The following TMEM82 variants were observed in gnomAD, a reference collection of about 807,000 sequenced individuals.
TMEM82 encodes the protein transmembrane protein 82.
TMEM82 carries 30 observed loss-of-function variants against 29.2 expected under a neutral mutation model. That is an observed-to-expected ratio of 1.03 (90% CI 0.77 to 1.39). The LOEUF (loss-of-function observed/expected upper bound fraction) is 1.39. TMEM82 is among the 40% of genes most tolerant of loss of function. The probability of loss-of-function intolerance (pLI) is 0.00; values close to 1 mark genes in which losing one functional copy is unlikely to be tolerated. For missense variants in TMEM82, 442 were observed against 447.7 expected (o/e 0.99, Z 0.12); for synonymous variants, 221 against 225.4 (o/e 0.98, Z 0.18).
rs182297483 is a variant in TMEM82 at position 15,744,334 on chromosome 1, C to T, written c.511C>T (p.His171Tyr). Residue 171 changes from histidine (H) to tyrosine (Y), a missense_variant, in exon 4 of 6, where the codon CAC (histidine) becomes TAC (tyrosine). Physicochemically the swap from His to Tyr is moderately conservative, Grantham distance 83. Transcript: ENST00000375782. This position sits in a 1 kb window ranked among gnomAD's most constrained non-coding sequence, Gnocchi z 5.2. ...GCTGGGCCTGGGTGCCCGGCGCCTC[C>T]ACCGCCACGTCTGCCGCCTCTACGA... Reference protein sequence around the residue: ...TLLGLGARRLHRHVCRLYELH... With the variant: ...TLLGLGARRLYRHVCRLYELH... The T allele has an allele frequency of 1.2e-4, 192 of 1,544,280 alleles. No individual in the cohort carries two copies. In the East Asian group the frequency reaches 4.0e-3, roughly 32 times the overall value.
chr1:15,745,719 C>G (rs559999282), intron 4 of TMEM82, among the ~76,000 whole-genome samples: 9 of 151,438 alleles, frequency 5.9e-5, no homozygotes, highest in African/African-American at 2.2e-4. Flanking sequence ...GTGGTGAAAC[C>G]CCCGTCTCTA....
rs766649310 is a variant in TMEM82 at position 15,747,621 on chromosome 1, G to T, written c.1021G>T (p.Ala341Ser). The change falls in exon 6 of 6, where the codon GCC (alanine) becomes TCC (serine). Residue 341 changes from alanine to serine, a missense_variant. Ala to Ser is a moderately conservative substitution (Grantham distance 99). Transcript: ENST00000375782. ...CTCGGCACCCCAGTCCCAGAGTTCG[G>T]CCCCCTCTTGACCTGCCTCAGGGAG... ...LPSAPQSQSS[A>S]PS 24 of 1,613,812 alleles carry T rather than the reference G, an allele frequency of 1.5e-5. No homozygotes were observed. The highest frequency in any genetic ancestry group is 1.6e-4 in the Middle Eastern group (1 of 6,080).
rs1380623250 is a variant in TMEM82 at position 15,744,087 on chromosome 1, G to A, written c.337-73G>A. The A allele has an allele frequency of 1.5e-5, 22 of 1,421,302 alleles. No individual in the cohort carries two copies. The highest frequency in any genetic ancestry group is 5.9e-5 in the South Asian group (4 of 67,332). 88.0% of individuals were successfully genotyped at this position (1,421,302 alleles called of 1,614,324 possible). Reference sequence around the variant, plus strand: ...CATCCCCAAGGTCCCTTCAGGCTCCGGCTTCCTGTGGTGGGCAGCACCTGT... The same window carrying A: ...CATCCCCAAGGTCCCTTCAGGCTCCAGCTTCCTGTGGTGGGCAGCACCTGT... On this transcript the variant is annotated intron_variant, in intron 3 of 5. Transcript: ENST00000375782. The surrounding 1 kb of genome is among the most constrained non-coding windows in gnomAD (Gnocchi z 5.2).
chr1:15,744,295 G>T lies in TMEM82; in HGVS notation c.472G>T (p.Gly158Trp). Reference protein sequence around the residue: ...HRTLNLLLSLGLATLLGLGAR... With the variant: ...HRTLNLLLSLWLATLLGLGAR... ...CACGCTGAACCTGCTGCTGAGCCTC[G>T]GGCTGGCCACGCTGCTGGGCCTGGG... The change falls in exon 4 of 6, where the codon GGG becomes TGG. Residue 158 changes from glycine (G) to tryptophan (W), a missense_variant. Coordinates refer to ENST00000375782, the MANE Select transcript of TMEM82 (RefSeq NM_001013641.3). The surrounding 1 kb of genome is among the most constrained non-coding windows in gnomAD (Gnocchi z 5.2). 6.5e-7 allele frequency: 1 copy of T among 1,549,508 alleles called. No individual in the cohort carries two copies. Among genetic ancestry groups the T allele is most frequent in the East Asian group, 2.4e-5 (1 of 41,852 alleles).
intron 3 of TMEM82, among the ~76,000 whole-genome samples, chr1:15,743,692 G>A (rs1374865522): frequency 6.6e-6 from 1 of 152,342 alleles, no homozygotes; most frequent in South Asian, 2.1e-4. Flanking sequence ...GGTGGCTCAC[G>A]CCTGTAATCC....
Position 15,744,062 on chromosome 1 carries a change from C to A in TMEM82, c.337-98C>A. On this transcript the variant is annotated intron_variant, in intron 3 of 5. Coordinates refer to ENST00000375782, the MANE Select transcript of TMEM82 (RefSeq NM_001013641.3). The surrounding 1 kb of genome is among the most constrained non-coding windows in gnomAD (Gnocchi z 5.2). The stretch of plus-strand genomic sequence containing the variant: ...AAGCCGATGTGGCCCCTTCGGGAAC[C>A]ATCCCCAAGGTCCCTTCAGGCTCCG... 1 of 1,291,854 alleles carries A rather than the reference C, an allele frequency of 7.7e-7. No homozygotes were observed. The highest frequency in any genetic ancestry group is 1.0e-6 in the Non-Finnish European group (1 of 970,862). The allele number at this position is 1,291,854 out of a possible 1,614,324, so 80.0% of individuals were successfully genotyped here.
In TMEM82 at chr1:15,746,929, G is replaced by T. The variant is rs769620800; in HGVS notation, c.820G>T (p.Gly274Cys). The change falls in exon 5 of 6, where the codon GGC (glycine) becomes TGC (cysteine). Residue 274 changes from glycine to cysteine, a missense_variant. By Grantham distance (159) the Gly-to-Cys change is radical. Transcript: ENST00000375782. Reference protein sequence around the residue: ...QVQTVLVRMGGLFVLLLTVGR... With the variant: ...QVQTVLVRMGCLFVLLLTVGR... ...GCAGACGGTGCTGGTGCGCATGGGCGGCCTCTTCGTGCTGCTGCTGACTGT... is the reference window on the plus strand; with the variant it reads ...GCAGACGGTGCTGGTGCGCATGGGCTGCCTCTTCGTGCTGCTGCTGACTGT... 2.2e-5 allele frequency: 36 copies of T among 1,609,074 alleles called. No homozygotes were observed. Among genetic ancestry groups the T allele is most frequent in the Non-Finnish European group, 3.1e-5 (36 of 1,179,848 alleles).
Position 15,744,664 on chromosome 1 carries a change from C to A in TMEM82, c.757+84C>A, listed in dbSNP as rs1466125985. 1 of 1,439,930 alleles carries A rather than the reference C, an allele frequency of 6.9e-7. No homozygotes were observed. The highest frequency in any genetic ancestry group is 2.5e-5 in the East Asian group (1 of 40,670). 89.2% of individuals were successfully genotyped at this position (1,439,930 alleles called of 1,614,324 possible). A position where few individuals can be genotyped will look rare whatever the true frequency, so the allele number is the denominator to read the frequency against. ...CTCCGGGGAGGCCGAGAGCCATCAGCCCTCACTCTTGCCATCCCAGAGAGC... is the reference window on the plus strand; with the variant it reads ...CTCCGGGGAGGCCGAGAGCCATCAGACCTCACTCTTGCCATCCCAGAGAGC... On this transcript the variant is annotated intron_variant, in intron 4 of 5. Coordinates refer to ENST00000375782, the MANE Select transcript of TMEM82 (RefSeq NM_001013641.3). The surrounding 1 kb of genome is among the most constrained non-coding windows in gnomAD (Gnocchi z 5.2).
chr1:15,747,598 C>T lies in TMEM82; in HGVS notation c.998C>T (p.Ser333Leu), dbSNP rs373663615. ...TCAACACCAAGCCAGCCCCTGCCCTCGGCACCCCAGTCCCAGAGTTCGGCC... is the reference window on the plus strand; with the variant it reads ...TCAACACCAAGCCAGCCCCTGCCCTTGGCACCCCAGTCCCAGAGTTCGGCC... ...PVSTPSQPLP[S>L]APQSQSSAPS The change falls in exon 6 of 6, where the codon TCG (serine) becomes TTG (leucine). Residue 333 changes from serine (S) to leucine (L), a missense_variant. Physicochemically the swap from Ser to Leu is moderately radical, Grantham distance 145 (BLOSUM62 -2). Transcript: ENST00000375782. The T allele has an allele frequency of 1.9e-4, 307 of 1,614,100 alleles. No individual in the cohort carries two copies. The highest frequency in any genetic ancestry group is 8.2e-4 in the Admixed American group (49 of 60,008).
rs1238094078 is a variant in TMEM82, at chr1:15,744,845, G to A, written c.757+265G>A. Among the ~76,000 whole-genome samples, 2 of 152,142 alleles carry A rather than the reference G, an allele frequency of 1.3e-5. No homozygotes were observed. The highest frequency in any genetic ancestry group is 2.9e-5 in the Non-Finnish European group (2 of 68,024). ...AACAGAATCTTGGACAGAGAGAACC[G>A]CATGTGCCAATGCCCAGAGGGGAGA... is the stretch of plus-strand genomic sequence containing the variant. On this transcript the variant is annotated intron_variant, in intron 4 of 5. Transcript: ENST00000375782. The surrounding 1 kb of genome is among the most constrained non-coding windows in gnomAD (Gnocchi z 5.2).
At chr1:15,745,545 A>AAGAGAGAAAGAGAGAAAGAGAGAG (rs1196476896) in intron 4 of TMEM82, among the ~76,000 whole-genome samples, 1 of 72,550 alleles carries the variant, frequency 1.4e-5, no homozygotes, top group African/African-American at 1.0e-4. Context: ...GAGAGAGAGA[A>AAGAGAGAAAGAGAGAAAGAGAGAG]AGAGAGAAAG....
In TMEM82 at chr1:15,744,628, T is replaced by A; in HGVS notation, c.757+48T>A. 1 of 1,533,658 alleles carries A rather than the reference T, an allele frequency of 6.5e-7. No individual in the cohort carries two copies. The highest frequency in any genetic ancestry group is 8.8e-7 in the Non-Finnish European group (1 of 1,137,102). On this transcript the variant is annotated intron_variant, in intron 4 of 5. Coordinates refer to ENST00000375782, the MANE Select transcript of TMEM82 (RefSeq NM_001013641.3). This position sits in a 1 kb window ranked among gnomAD's most constrained non-coding sequence, Gnocchi z 5.2. ...CATTCAATCCACGCACATCCCTCTGTCTGGGTCAGGCTCCGGGGAGGCCGA... is the reference window on the plus strand; with the variant it reads ...CATTCAATCCACGCACATCCCTCTGACTGGGTCAGGCTCCGGGGAGGCCGA...
rs1168916610 is a variant in TMEM82 at position 15,747,522 on chromosome 1, G to A, written c.946-24G>A. ...GCAGGGGGATGGGTGAATGGGTGGT[G>A]TCATTCTCAACGCTTTTCCTCAGGA... is the stretch of plus-strand genomic sequence containing the variant. On this transcript the variant is annotated intron_variant, in intron 5 of 5. Coordinates refer to ENST00000375782, the MANE Select transcript of TMEM82 (RefSeq NM_001013641.3). 4 of 1,605,680 alleles carry A rather than the reference G, an allele frequency of 2.5e-6. No homozygotes were observed. In the South Asian group the frequency reaches 4.4e-5, roughly 18 times the overall value.
intron 1 of TMEM82, 70 bp downstream of exon 1, chr1:15,742,717 C>T: frequency 6.5e-7 from 1 of 1,531,128 alleles, no homozygotes; most frequent in African/African-American, 1.4e-5. Context: ...GGGTGGACCC[C>T]ACCCACCTGG....
At chr1:15,743,255 C>T in intron 3 of TMEM82, 61 bp downstream of exon 3, 1 of 1,522,816 alleles carries the variant, frequency 6.6e-7, no homozygotes, top group Admixed American at 2.0e-5. Flanking sequence ...GGGCTCACCC[C>T]CGGAATGTGG....
At position 15,744,419 on chromosome 1, in the gene TMEM82, G is replaced by GC; in HGVS notation, c.598dup (p.Leu200ProfsTer17). 6.3e-7 allele frequency: 1 copy of GC among 1,588,464 alleles called. No individual in the cohort carries two copies. The highest frequency in any genetic ancestry group is 1.8e-5 in the Admixed American group (1 of 56,222). On this transcript the variant is annotated frameshift_variant, in exon 4 of 6. Transcript: ENST00000375782. LOFTEE classifies it high-confidence loss of function. The surrounding 1 kb of genome is among the most constrained non-coding windows in gnomAD (Gnocchi z 5.2). ...CTGGGCCTGCTGGCCCATGCACATG[G>GC]CCTCCCCCAGCTGCTGGGCCGTGCC...
In TMEM82 at chr1:15,746,973, G is replaced by A; in HGVS notation, c.864G>A (p.Leu288=). Reference sequence around the variant, plus strand: ...TGACTGTGGGTCGCTGGCTGGACCTGCTGGGCATCCTTGTCTCCCTACTGG... The same window carrying A: ...TGACTGTGGGTCGCTGGCTGGACCTACTGGGCATCCTTGTCTCCCTACTGG... ...LLLTVGRWLD[L]LGILVSLLGE... is the part of the protein sequence containing the mutation. The change falls in exon 5 of 6, where the codon CTG becomes CTA. Residue 288 remains leucine, a synonymous_variant. Transcript: ENST00000375782. 1 of 1,612,036 alleles carries A rather than the reference G, an allele frequency of 6.2e-7. No individual in the cohort carries two copies.
intron 4 of TMEM82, among the ~76,000 whole-genome samples, chr1:15,745,396 T>C (rs1010157009): frequency 4.6e-5 from 7 of 152,048 alleles, no homozygotes; most frequent in Non-Finnish European, 2.9e-5. Context: ...GGTCCATGCC[T>C]GTAATCCAGC....
At position 15,743,177 on chromosome 1, in the gene TMEM82, C is replaced by T. The variant is rs760309415; in HGVS notation, c.319C>T (p.Leu107=). 1.2e-6 allele frequency: 2 copies of T among 1,608,406 alleles called. No homozygotes were observed. The highest frequency in any genetic ancestry group is 8.5e-7 in the Non-Finnish European group (1 of 1,179,744). Residue 107 remains leucine (L), a synonymous_variant, in exon 3 of 6, where the codon CTG becomes TTG. Transcript: ENST00000375782. ...LEFSLRAVST[L]LSLGKGSQGA... ...GTTCTCCCTCCGGGCCGTGTCCACG[C>T]TGCTGTCCCTGGGCAAGGTGAGGCC... is the stretch of plus-strand genomic sequence containing the variant.
Sources: allele counts gnomAD v4.1 joint callset (sites outside exome capture counted in the v4.1 genomes callset), GRCh38; gene constraint gnomAD v4.1.1; non-coding constraint Gnocchi (gnomAD v3.1); transcripts MANE v1.5; gene names NCBI Gene and HGNC (gene_info 2026-07-23, HGNC 2026-07-21).